ADGB: variants seen among roughly 807,000 people sequenced by gnomAD.
The protein encoded by ADGB is androglobin.
ADGB carries 172 observed loss-of-function variants against 210.5 expected under a neutral mutation model. That is an observed-to-expected ratio of 0.82 (90% CI 0.72 to 0.93). ADGB has a LOEUF of 0.93. Ranked by LOEUF, ADGB falls within the 40% of genes least tolerant of loss-of-function variation. The pLI is 0.00. For missense variants in ADGB, 2,025 were observed against 1,964.8 expected, an observed-to-expected ratio of 1.03 and a Z score of -0.58; for synonymous variants, 658 against 662.7, an observed-to-expected ratio of 0.99 and a Z score of 0.11.
At chr6:146,717,232 G>A (rs1227615961) in intron 15 of ADGB, among the ~76,000 whole-genome samples, 163 bp downstream of exon 15, 1 of 152,072 alleles carries the variant, frequency 6.6e-6, no homozygotes, top group African/African-American at 2.4e-5. Flanking sequence ...TAACAGCCTA[G>A]TGTTGGTATA....
intron 1 of ADGB, among the ~76,000 whole-genome samples, chr6:146,619,795 A>C (rs1780862418): frequency 6.6e-6 from 1 of 152,162 alleles, no homozygotes; most frequent in South Asian, 2.1e-4. Flanking sequence ...TCCTATTAAA[A>C]GTATAAATGG....
At chr6:146,625,656 C>T (rs1210474616) in intron 1 of ADGB, among the ~76,000 whole-genome samples, 2 of 152,070 alleles carry the variant, frequency 1.3e-5, no homozygotes, top group African/African-American at 4.8e-5. Flanking sequence ...CACTCCCTCT[C>T]TTGCCATCTG....
chr6:146,623,307 C>T (rs1226333199), intron 1 of ADGB, among the ~76,000 whole-genome samples: 1 of 151,996 alleles, frequency 6.6e-6, no homozygotes, highest in African/African-American at 2.4e-5. Context: ...AATCTTTCAA[C>T]ATATGTATAT....
intron 1 of ADGB, among the ~76,000 whole-genome samples, chr6:146,605,376 C>A (rs1383346255): frequency 6.6e-6 from 1 of 152,012 alleles, no homozygotes; most frequent in Admixed American, 6.6e-5. Flanking sequence ...CCTCCAGTTG[C>A]AGTTTTAATA....
chr6:146,782,743 A>G (rs897651945), intron 30 of ADGB, among the ~76,000 whole-genome samples: 5 of 152,280 alleles, frequency 3.3e-5, no homozygotes, highest in African/African-American at 1.2e-4. Context: ...CTCTATATAC[A>G]GTCCAGAGGT....
At chr6:146,612,941 T>A (rs920442256) in intron 1 of ADGB, among the ~76,000 whole-genome samples, 2 of 152,214 alleles carry the variant, frequency 1.3e-5, no homozygotes, top group African/African-American at 2.4e-5. Context: ...TTATAGTAAC[T>A]TTTTACACTT....
chr6:146,763,848 A>G, intron 27 of ADGB, 53 bp from the exon 28 acceptor site: 2 of 1,425,742 alleles, frequency 1.4e-6, no homozygotes, highest in East Asian at 2.5e-5. Flanking sequence ...TTAGTCAGTA[A>G]TAACTATGTA....
At chr6:146,607,635 T>C (rs940286742) in intron 1 of ADGB, among the ~76,000 whole-genome samples, 2 of 152,234 alleles carry the variant, frequency 1.3e-5, no homozygotes, top group African/African-American at 4.8e-5. Context: ...CTTTGTTTAG[T>C]ATATTGAGAT....
intron 31 of ADGB, 47 bp from the exon 32 acceptor site, chr6:146,785,563 G>C (rs1777860250): frequency 6.9e-7 from 1 of 1,456,920 alleles, no homozygotes. Context: ...TGTACTGGTT[G>C]TTGCTTTTGA....
At chr6:146,803,591 C>T in intron 35 of ADGB, 1 of 1,389,258 alleles carries the variant, frequency 7.2e-7, no homozygotes. Flanking sequence ...GACTTCTTAA[C>T]CTCCTTCATG....
rs551773267 is a variant in ADGB at position 146,738,114 on chromosome 6, A to G, written c.2888+1523A>G. 2.6e-5 allele frequency among the ~76,000 whole-genome samples: 4 copies of G among 152,350 alleles called. No individual in the cohort carries two copies. The East Asian group carries it at 5.8e-4, about 22-fold the overall frequency. ...TATTGTTATCTAAGATAAGATTCTT[A>G]TCCTCTCTAAACTTAATTTTTATAT... is the stretch of plus-strand genomic sequence containing the variant. On this transcript the variant is annotated intron_variant, in intron 23 of 35. Coordinates refer to ENST00000397944, the MANE Select transcript of ADGB (RefSeq NM_024694.4).
chr6:146,761,773 G>C (rs1034943200), intron 27 of ADGB, among the ~76,000 whole-genome samples: 1 of 152,004 alleles, frequency 6.6e-6, no homozygotes, highest in African/African-American at 2.4e-5. Context: ...AAAGTGGATG[G>C]CTTAATAAAA....
intron 1 of ADGB, among the ~76,000 whole-genome samples, chr6:146,609,748 A>T (rs1590298): frequency 0.57 from 86,388 of 151,950 alleles, 24,696 homozygotes; most frequent in Admixed American, 0.64. Context: ...GAATTCCTTT[A>T]CTTTAAGGAT....
intron 35 of ADGB, among the ~76,000 whole-genome samples, chr6:146,804,408 G>A (rs1198644908): frequency 6.6e-6 from 1 of 151,960 alleles, no homozygotes; most frequent in East Asian, 1.9e-4. Context: ...TGTCCAATAG[G>A]CACCTCAAAC....
At chr6:146,606,477 A>C (rs561528546) in intron 1 of ADGB, among the ~76,000 whole-genome samples, 16 of 152,212 alleles carry the variant, frequency 1.1e-4, no homozygotes, top group African/African-American at 3.9e-4. Context: ...TCCAGGGCCT[A>C]TGTCCAGAAT....
intron 13 of ADGB, among the ~76,000 whole-genome samples, chr6:146,714,271 G>A (rs1358862612): frequency 1.3e-5 from 2 of 151,820 alleles, no homozygotes; most frequent in Non-Finnish European, 2.9e-5. Context: ...TTGAGGATGA[G>A]TGAGTTTTAT....
At chr6:146,796,789 AGGCAAAGATTTC>A (rs1484262920) in intron 33 of ADGB, among the ~76,000 whole-genome samples, 3 of 151,662 alleles carry the variant, frequency 2.0e-5, no homozygotes, top group Non-Finnish European at 4.4e-5. Flanking sequence ...AAAACCCCTT[AGGCAAAGATTTC>A]ATGACCAAGA....
chr6:146,753,775 A>T (rs1324478975), intron 27 of ADGB, among the ~76,000 whole-genome samples: 1 of 151,926 alleles, frequency 6.6e-6, no homozygotes, highest in Non-Finnish European at 1.5e-5. Context: ...ATGTTTTAAC[A>T]TACTCCTATG....
chr6:146,701,085 C>T lies in ADGB; in HGVS notation c.1707+15C>T. 6.5e-7 allele frequency: 1 copy of T among 1,549,094 alleles called. No homozygotes were observed. Among genetic ancestry groups the T allele is most frequent in the Non-Finnish European group, 8.7e-7 (1 of 1,145,920 alleles). On this transcript the variant is annotated intron_variant, in intron 13 of 35. Coordinates refer to ENST00000397944, the MANE Select transcript of ADGB (RefSeq NM_024694.4). ...CTACATCTCAGGTGACTATGTTACTCTTACTGTTGGCCCAACTCTTAATGA... is the reference window on the plus strand; with the variant it reads ...CTACATCTCAGGTGACTATGTTACTTTTACTGTTGGCCCAACTCTTAATGA...
Sources: allele counts gnomAD v4.1 joint callset (sites outside exome capture counted in the v4.1 genomes callset), GRCh38; gene constraint gnomAD v4.1.1; transcripts MANE v1.5; gene names NCBI Gene and HGNC (gene_info 2026-07-23, HGNC 2026-07-21).